The following UBOX5 variants were observed in gnomAD, a reference collection of about 807,000 sequenced individuals.
The protein encoded by UBOX5 is RING finger protein 37.
In UBOX5, 28 loss-of-function variants were observed where a neutral mutation model predicts 39.0. The observed-to-expected ratio is 0.72, with a 90% CI of 0.53 to 0.98. The LOEUF is 0.98. UBOX5 is among the 50% of genes least tolerant of loss of function. The probability of loss-of-function intolerance (pLI) is 0.00; values close to 1 mark genes in which losing one functional copy is unlikely to be tolerated. For missense variants in UBOX5, 585 were observed against 674.4 expected, an observed-to-expected ratio of 0.87 and a Z score of 1.47; for synonymous variants, 283 against 275.5, an observed-to-expected ratio of 1.03 and a Z score of -0.27.
At chr20:3,115,649 C>T (rs539965976) in intron 3 of UBOX5, among the ~76,000 whole-genome samples, 183 bp from the exon 4 acceptor site, 8 of 152,126 alleles carry the variant, frequency 5.3e-5, no homozygotes, top group South Asian at 4.1e-4. Flanking sequence ...CTAGGAACAC[C>T]GGCAGTTCCT....
chr20:3,152,003 G>C (rs1352565370), intron 1 of UBOX5: 2 of 151,420 alleles, frequency 1.3e-5, no homozygotes, highest in Non-Finnish European at 2.9e-5. Context: ...CACTCGGGGG[G>C]CTGGGGCACA....
rs1241967907 is a variant in UBOX5, at chr20:3,122,196, G to A, written c.443C>T (p.Thr148Ile). The change falls in exon 3 of 5, where the codon ACA becomes ATA. Residue 148 changes from threonine to isoleucine, a missense_variant. Transcript: ENST00000217173. ...ARPPFGAMEATLPSPAVVAQE... is the reference protein window; with the variant it reads ...ARPPFGAMEAILPSPAVVAQE... ...GGCCACAACAGCAGGGGAGGGGAGTGTGGCTTCCATCGCGCCAAAAGGGGG... is the reference window on the plus strand; with the variant it reads ...GGCCACAACAGCAGGGGAGGGGAGTATGGCTTCCATCGCGCCAAAAGGGGG... The A allele has an allele frequency of 8.1e-6, 13 of 1,614,138 alleles. No individual in the cohort carries two copies. The African/African-American group carries it at 1.2e-4, about 15-fold the overall frequency.
chr20:3,132,674 C>T (rs1381148326), intron 1 of UBOX5, among the ~76,000 whole-genome samples: 1 of 151,498 alleles, frequency 6.6e-6, no homozygotes, highest in Non-Finnish European at 1.5e-5. Flanking sequence ...CAAAAAATTA[C>T]CCGGGTGTGG....
intron 1 of UBOX5, chr20:3,147,071 C>A: frequency 3.7e-6 from 6 of 1,614,078 alleles, no homozygotes; most frequent in Non-Finnish European, 4.2e-6. Context: ...GCAAAGGAAG[C>A]CCCCCAGAGG....
chr20:3,152,796 C>T (rs2148625590), intron 1 of UBOX5, among the ~76,000 whole-genome samples: 1 of 151,826 alleles, frequency 6.6e-6, no homozygotes, highest in African/African-American at 2.4e-5. Flanking sequence ...ATCCCAGCTA[C>T]TTGAGAGGCT....
Position 3,110,127 on chromosome 20 carries a change from G to C in UBOX5, c.1605C>G (p.Asp535Glu). ...TACQRPVASQ[D>E]VLRVHF is the part of the protein sequence containing the mutation. Reference sequence around the variant, plus strand: ...TCACTCAGAAGTGGACCCGCAGCACGTCTTGGCTAGCAACCGGCCGCTGGC... The same window carrying C: ...TCACTCAGAAGTGGACCCGCAGCACCTCTTGGCTAGCAACCGGCCGCTGGC... Residue 535 changes from aspartate (D) to glutamate (E), a missense_variant, in exon 5 of 5, where the codon GAC (aspartate) becomes GAG (glutamate). By Grantham distance (45) the Asp-to-Glu change is conservative (BLOSUM62 2). Transcript: ENST00000217173. The C allele has an allele frequency of 6.2e-7, 1 of 1,612,410 alleles. No individual in the cohort carries two copies. Among genetic ancestry groups the C allele is most frequent in the Non-Finnish European group, 8.5e-7 (1 of 1,180,024 alleles).
intron 1 of UBOX5, among the ~76,000 whole-genome samples, chr20:3,145,250 T>C (rs997326994): frequency 6.6e-6 from 1 of 151,656 alleles, no homozygotes; most frequent in African/African-American, 2.4e-5. Flanking sequence ...CCTTCTAAAC[T>C]ACGGTGATCC....
chr20:3,128,395 A>G (rs761009699), intron 1 of UBOX5, among the ~76,000 whole-genome samples: 5 of 152,262 alleles, frequency 3.3e-5, no homozygotes, highest in African/African-American at 7.2e-5. Flanking sequence ...TAGGATGCCA[A>G]AGGAAAGCAG....
intron 1 of UBOX5, chr20:3,147,250 G>C (rs2066574212): frequency 6.2e-7 from 1 of 1,614,060 alleles, no homozygotes; most frequent in Non-Finnish European, 8.5e-7. Context: ...CAGCCGGCGT[G>C]GCTTCTCTAT....
At chr20:3,132,255 A>C (rs1393425122) in intron 1 of UBOX5, among the ~76,000 whole-genome samples, 2 of 152,084 alleles carry the variant, frequency 1.3e-5, no homozygotes, top group African/African-American at 2.4e-5. Flanking sequence ...GGCTGCAGTA[A>C]GCCGAGATCA....
Position 3,115,306 on chromosome 20 carries a change from C to T in UBOX5, c.1416G>A (p.Ser472=), listed in dbSNP as rs760324100. 68 of 1,609,710 alleles carry T rather than the reference C, an allele frequency of 4.2e-5. No homozygotes were observed. The highest frequency in any genetic ancestry group is 3.3e-4 in the Middle Eastern group (2 of 5,988). ...AGGAGATGGCGGGGCCCATGTTACC[C>T]GAGCCGGTGCCAGGCCTCCAGGAAG... is the stretch of plus-strand genomic sequence containing the variant. ...SNTSWRPGTG[S]EQPGSILGPE... is the part of the protein sequence containing the mutation. The change falls in exon 4 of 5, where the codon TCG becomes TCA. Residue 472 remains serine, a splice_region_variant and synonymous_variant. Transcript: ENST00000217173.
chr20:3,121,125 CAGA>C (rs747585327), intron 3 of UBOX5, among the ~76,000 whole-genome samples: 1 of 152,206 alleles, frequency 6.6e-6, no homozygotes, highest in Non-Finnish European at 1.5e-5. Flanking sequence ...CCATCACCAA[CAGA>C]GGAGCGAAAC....
chr20:3,156,588 A>C (rs2066688599), intron 1 of UBOX5: 1 of 152,242 alleles, frequency 6.6e-6, no homozygotes, highest in African/African-American at 2.4e-5. Flanking sequence ...AACGAAACAG[A>C]GTAGAGCCTC....
intron 1 of UBOX5, among the ~76,000 whole-genome samples, chr20:3,132,817 CAAAA>C (rs11331937): frequency 2.4e-5 from 3 of 124,518 alleles, no homozygotes; most frequent in African/African-American, 2.9e-5. Context: ...GGGACTGTCT[CAAAA>C]AAAAAAAAAA....
At chr20:3,140,584 A>G (rs1346269124) in intron 1 of UBOX5, among the ~76,000 whole-genome samples, 1 of 151,956 alleles carries the variant, frequency 6.6e-6, no homozygotes, top group African/African-American at 2.4e-5. Flanking sequence ...TCTCTCCTGA[A>G]TTTTCAACTT....
chr20:3,146,502 A>G (rs1222488875), intron 1 of UBOX5: 4 of 331,484 alleles, frequency 1.2e-5, no homozygotes, highest in African/African-American at 2.1e-5. Flanking sequence ...AAACAGAAAG[A>G]AAAATCCAAC....
At chr20:3,119,496 A>G (rs1436134283) in intron 3 of UBOX5, among the ~76,000 whole-genome samples, 6 of 152,228 alleles carry the variant, frequency 3.9e-5, no homozygotes, top group African/African-American at 1.4e-4. Flanking sequence ...GCTGTAAGCC[A>G]GTAAGTTTTG....
intron 3 of UBOX5, among the ~76,000 whole-genome samples, chr20:3,118,179 A>T (rs2066308114): frequency 6.7e-6 from 1 of 149,832 alleles, no homozygotes; most frequent in African/African-American, 2.5e-5. Flanking sequence ...AAACAAAAAG[A>T]AACCATTAAC....
chr20:3,135,642 A>G (rs753025626), intron 1 of UBOX5, among the ~76,000 whole-genome samples: 4 of 151,820 alleles, frequency 2.6e-5, no homozygotes, highest in Non-Finnish European at 4.4e-5. Flanking sequence ...TAGAATAGAA[A>G]ATGTCAGCAT....
Sources: gnomAD v4.1 joint callset for allele counts (sites outside exome capture counted in the v4.1 genomes callset) on GRCh38, gnomAD v4.1.1 for gene constraint, MANE v1.5 for transcripts, NCBI Gene and HGNC (gene_info 2026-07-23, HGNC 2026-07-21) for gene names.